Variants in FANCA observed in about 807,000 individuals in gnomAD.
FANCA encodes the protein FA complementation group A.
In FANCA, 236 loss-of-function variants were observed where a neutral mutation model predicts 194.3. The ratio of observed to expected loss-of-function variants is 1.21; its 90% CI spans 1.09 to 1.35. The LOEUF (loss-of-function observed/expected upper bound fraction) is 1.35. Among genes scored for constraint, FANCA ranks in the 40% most tolerant of loss-of-function variants. The probability of loss-of-function intolerance (pLI) is 0.00; values close to 1 mark genes in which losing one functional copy is unlikely to be tolerated. For missense variants in FANCA, 2,628 were observed against 1,813.9 expected, an observed-to-expected ratio of 1.45 and a Z score of -8.15; for synonymous variants, 1,014 against 715.8, an observed-to-expected ratio of 1.42 and a Z score of -6.65.
At chr16:89,791,298 G>A in intron 14 of FANCA, 105 bp downstream of exon 14, 2 of 1,464,940 alleles carry the variant, frequency 1.4e-6, no homozygotes, top group South Asian at 2.4e-5. Context: ...TGACAGCAAG[G>A]TTGCTCACTC....
At chr16:89,754,957 A>G (rs1429029768) in intron 30 of FANCA, among the ~76,000 whole-genome samples, 1 of 152,124 alleles carries the variant, frequency 6.6e-6, no homozygotes, top group Non-Finnish European at 1.5e-5. Flanking sequence ...AAAAAGAAGA[A>G]CCAAGTTGGA....
chr16:89,769,431 G>T (rs1379164941), intron 26 of FANCA, among the ~76,000 whole-genome samples: 2 of 152,130 alleles, frequency 1.3e-5, no homozygotes, highest in African/African-American at 2.4e-5. Flanking sequence ...GAGCCCTAGA[G>T]AAACAGCCCG....
intron 30 of FANCA, 89 bp from the exon 31 acceptor site, chr16:89,752,311 T>C: frequency 2.9e-6 from 3 of 1,041,068 alleles, no homozygotes; most frequent in South Asian, 2.5e-5. Context: ...AGCTGAGTGA[T>C]GGCTGTGCTT....
At chr16:89,766,222 C>G (rs542470775) in intron 27 of FANCA, among the ~76,000 whole-genome samples, 2 of 151,722 alleles carry the variant, frequency 1.3e-5, no homozygotes, top group South Asian at 4.2e-4. Flanking sequence ...GTCTCGATCT[C>G]TTGACCTCAT....
intron 12 of FANCA, 106 bp downstream of exon 12, chr16:89,792,365 G>A (rs2143533430): frequency 2.4e-6 from 3 of 1,229,964 alleles, no homozygotes; most frequent in East Asian, 2.3e-5. Context: ...AGACATCCCT[G>A]AACCTCTCGA....
At chr16:89,805,165 C>T in intron 7 of FANCA, 115 bp downstream of exon 7, 1 of 795,626 alleles carries the variant, frequency 1.3e-6, no homozygotes, top group African/African-American at 1.7e-5. Flanking sequence ...ATGCCAGGTT[C>T]CCACGGCCAC....
chr16:89,760,000 C>T (rs1349218380), intron 29 of FANCA, among the ~76,000 whole-genome samples: 1 of 152,214 alleles, frequency 6.6e-6, no homozygotes, highest in South Asian at 2.1e-4. Context: ...GACCGGGGTG[C>T]TCCACCCACG....
chr16:89,784,997 A>G, intron 14 of FANCA, 33 bp from the exon 15 acceptor site: 1 of 1,535,770 alleles, frequency 6.5e-7, no homozygotes, highest in Non-Finnish European at 9.0e-7. Context: ...AGCCCAGGAC[A>G]GCCAGGCGCG....
At chr16:89,757,116 T>C (rs1002197488) in intron 30 of FANCA, among the ~76,000 whole-genome samples, 1 of 151,976 alleles carries the variant, frequency 6.6e-6, no homozygotes, top group Non-Finnish European at 1.5e-5. Context: ...GCTGGGACCA[T>C]AGGCACACAC....
intron 28 of FANCA, among the ~76,000 whole-genome samples, chr16:89,764,312 T>C (rs1220638343): frequency 6.6e-6 from 1 of 152,186 alleles, no homozygotes; most frequent in African/African-American, 2.4e-5. Flanking sequence ...TATTTATTAA[T>C]ATATTTTTTT....
intron 28 of FANCA, 44 bp downstream of exon 28, chr16:89,764,846 G>A: frequency 2.5e-6 from 4 of 1,605,090 alleles, no homozygotes; most frequent in Non-Finnish European, 3.4e-6. Context: ...ACAAACCCTA[G>A]ACTCAGGACG....
At position 89,738,265 on chromosome 16, in the gene FANCA, G is replaced by C. The variant is rs2062016569; in HGVS notation, c.*336C>G. On this transcript the variant is annotated 3_prime_UTR_variant, in exon 43 of 43. Coordinates refer to ENST00000389301, the MANE Select transcript of FANCA (RefSeq NM_000135.4). ...CACCTGAGGACGGCAGTGAGGATGAGCACCTCTAGCAGCCTGGACTCCGCA... is the reference window on the plus strand; with the variant it reads ...CACCTGAGGACGGCAGTGAGGATGACCACCTCTAGCAGCCTGGACTCCGCA... 2 of 1,577,468 alleles carry C rather than the reference G, an allele frequency of 1.3e-6. No homozygotes were observed. Among genetic ancestry groups the C allele is most frequent in the African/African-American group, 1.4e-5 (1 of 73,908 alleles).
At chr16:89,740,362 G>T in intron 38 of FANCA, 1 of 525,010 alleles carries the variant, frequency 1.9e-6, no homozygotes, top group Non-Finnish European at 3.4e-6. Context: ...CCCACAGGCC[G>T]GATGCAGTGG....
chr16:89,765,693 C>T (rs1279110368), intron 27 of FANCA, among the ~76,000 whole-genome samples: 1 of 152,240 alleles, frequency 6.6e-6, no homozygotes, highest in African/African-American at 2.4e-5. Flanking sequence ...TCTCTGCCCC[C>T]GAGGAGATGA....
chr16:89,805,382 T>C lies in FANCA; in HGVS notation c.607A>G (p.Met203Val), dbSNP rs2143632366. The stretch of plus-strand genomic sequence containing the variant: ...AAGAGCCACGATCCCACAGCATGCA[T>C]GTCGGGATGGCTGGAGACACACACA... The part of the protein sequence containing the change: ...LQELLESHPD[M>V]HAVGSWLFRN... Residue 203 changes from methionine (M) to valine (V), a missense_variant, in exon 7 of 43, where the codon ATG becomes GTG. Transcript: ENST00000389301. 5 of 1,613,214 alleles carry C rather than the reference T, an allele frequency of 3.1e-6. No individual in the cohort carries two copies. The highest frequency in any genetic ancestry group is 2.2e-5 in the East Asian group (1 of 44,862).
At position 89,780,833 on chromosome 16, in the gene FANCA, G is replaced by C. The variant is rs997280030; in HGVS notation, c.1627-876C>G. On this transcript the variant is annotated intron_variant, in intron 17 of 42. Transcript: ENST00000389301. The stretch of plus-strand genomic sequence containing the variant: ...TACTCCCAGTTACTCAGGAGGTCAA[G>C]GTGAGAAGATCGTTTCAACCTAGGA... 2.0e-5 allele frequency among the ~76,000 whole-genome samples: 3 copies of C among 151,650 alleles called. No homozygotes were observed. In the South Asian group the frequency reaches 6.2e-4, roughly 32 times the overall value.
chr16:89,770,525 G>C lies in FANCA; in HGVS notation c.2222+39C>G, dbSNP rs750961042. 7 of 1,556,912 alleles carry C rather than the reference G, an allele frequency of 4.5e-6. 1 individual carries two copies. In the South Asian group the frequency reaches 4.7e-5, roughly 10 times the overall value. On this transcript the variant is annotated intron_variant, in intron 24 of 42. Transcript: ENST00000389301. ...TTGGCCCAGCAAGAGGTGGCACCCA[G>C]AGGAGCCCCACCACTCAGGGAGCTG...
intron 3 of FANCA, among the ~76,000 whole-genome samples, chr16:89,811,797 C>T (rs1305507897): frequency 1.3e-5 from 2 of 152,158 alleles, no homozygotes; most frequent in Non-Finnish European, 2.9e-5. Flanking sequence ...ACGGCGCCAT[C>T]TCAGCTCACT....
chr16:89,753,327 G>A (rs975268058), intron 30 of FANCA, among the ~76,000 whole-genome samples: 22 of 152,122 alleles, frequency 1.4e-4, no homozygotes, highest in Admixed American at 3.9e-4. Context: ...ACCGGTCTCC[G>A]CGCATTGGTG....
Sources: gnomAD v4.1 joint callset for allele counts (sites outside exome capture counted in the v4.1 genomes callset) on GRCh38, gnomAD v4.1.1 for gene constraint, MANE v1.5 for transcripts, NCBI Gene and HGNC (gene_info 2026-07-23, HGNC 2026-07-21) for gene names.